SDCBP2: variants seen among roughly 807,000 people sequenced by gnomAD.
SDCBP2 encodes syndecan binding protein 2, also known as syntenin-2.
A neutral mutation model predicts 30.7 loss-of-function variants in SDCBP2; 28 were observed. The observed-to-expected ratio is 0.91, with a 90% CI of 0.68 to 1.25. The LOEUF is 1.25. Ranked by LOEUF, SDCBP2 falls within the 50% of genes most tolerant of loss-of-function variation. The pLI is 0.00. For synonymous variants in SDCBP2, 166 were observed against 157.3 expected (o/e 1.06, Z -0.41); for missense variants, 399 against 379.0 (o/e 1.05, Z -0.44).
chr20:1,318,351 C>T lies in SDCBP2; in HGVS notation c.192G>A (p.Gln64=), dbSNP rs936680987. 1 of 1,613,816 alleles carries T rather than the reference C, an allele frequency of 6.2e-7. No homozygotes were observed. Among genetic ancestry groups the T allele is most frequent in the Non-Finnish European group, 8.5e-7 (1 of 1,179,876 alleles). Residue 64 remains glutamine (Q), a synonymous_variant, in exon 4 of 9, where the codon CAG becomes CAA. Transcript: ENST00000360779. ...MGLSLSSQEV[Q]ESLLQIPEGD... is the part of the protein sequence containing the mutation. ...CCTCTGGAATCTGAAGCAGGCTCTC[C>T]TGGACTTCTTGGCTGGAGAGGGAAA...
rs1568563121 is a variant in SDCBP2, at chr20:1,320,252, A to G, written c.54+111T>C. ...AGCAGGCCCTGCAGTGGACACCTAC[A>G]TGCCCTGAGGCCTACGGGAATCTCC... On this transcript the variant is annotated intron_variant, in intron 2 of 8. Coordinates refer to ENST00000360779, the MANE Select transcript of SDCBP2 (RefSeq NM_080489.5). This position sits in a 1 kb window ranked among gnomAD's most constrained non-coding sequence, Gnocchi z 4.7. The G allele has an allele frequency of 1.1e-6, 1 of 929,594 alleles. No homozygotes were observed. Among genetic ancestry groups the G allele is most frequent in the Non-Finnish European group, 1.7e-6 (1 of 597,438 alleles). 57.6% of individuals were successfully genotyped at this position (929,594 alleles called of 1,614,324 possible).
rs553996287 is a variant in SDCBP2 at position 1,317,405 on chromosome 20, G to C, written c.225+913C>G. On this transcript the variant is annotated intron_variant, in intron 4 of 8. Transcript: ENST00000360779. ...ATACAAAATTTTAAATTATAAAAATGTATTCATCATCTTATATTTTATCAA... is the reference window on the plus strand; with the variant it reads ...ATACAAAATTTTAAATTATAAAAATCTATTCATCATCTTATATTTTATCAA... 5.3e-5 allele frequency among the ~76,000 whole-genome samples: 8 copies of C among 152,320 alleles called. No individual in the cohort carries two copies. The South Asian group carries it at 1.7e-3, about 32-fold the overall frequency.
chr20:1,314,430 T>C (rs2088737916), intron 4 of SDCBP2, among the ~76,000 whole-genome samples: 2 of 121,748 alleles, frequency 1.6e-5, no homozygotes, highest in Admixed American at 1.2e-4. Context: ...GAGGTTGCAG[T>C]GAGCCAAGAC....
At chr20:1,318,533 T>C (rs1255812851) in intron 3 of SDCBP2, 115 bp from the exon 4 acceptor site, 3 of 640,600 alleles carry the variant, frequency 4.7e-6, no homozygotes, top group African/African-American at 1.8e-5. Flanking sequence ...CTGGGAATGG[T>C]ATTTATTTCC....
At chr20:1,328,244 T>TGA (rs376584756) in intron 1 of SDCBP2, among the ~76,000 whole-genome samples, 201 of 152,192 alleles carry the variant, frequency 1.3e-3, no homozygotes, top group African/African-American at 4.7e-3. Context: ...GAGGTCATGG[T>TGA]GAGGACTTTG....
intron 4 of SDCBP2, among the ~76,000 whole-genome samples, chr20:1,314,746 A>T (rs1414135761): frequency 6.6e-6 from 1 of 152,038 alleles, no homozygotes; most frequent in East Asian, 1.9e-4. Flanking sequence ...ACAAAAACGA[A>T]GCAAAATAAA....
At chr20:1,317,254 A>G (rs1398534036) in intron 4 of SDCBP2, among the ~76,000 whole-genome samples, 1 of 152,228 alleles carries the variant, frequency 6.6e-6, no homozygotes, top group Non-Finnish European at 1.5e-5. Flanking sequence ...CCTGGTTTTG[A>G]TAGTGTACTA....
chr20:1,329,097 T>C lies in SDCBP2; in HGVS notation c.-32A>G, dbSNP rs1335448421. On this transcript the variant is annotated 5_prime_UTR_variant, in exon 1 of 9. Coordinates refer to ENST00000360779, the MANE Select transcript of SDCBP2 (RefSeq NM_080489.5). The surrounding 1 kb of genome is among the most constrained non-coding windows in gnomAD (Gnocchi z 4.3). ...CCCCAGCGCTTACCTGCAGGCAAGG[T>C]GCTGCTCCACGACCTTCTCCAGCTG... 5 of 152,344 alleles carry C rather than the reference T, an allele frequency of 3.3e-5. No homozygotes were observed. Among genetic ancestry groups the C allele is most frequent in the African/African-American group, 1.2e-4 (5 of 41,432 alleles). 9.4% of individuals were successfully genotyped at this position (152,344 alleles called of 1,614,324 possible).
rs1600277573 is a variant in SDCBP2 at position 1,313,898 on chromosome 20, G to A, written c.226-400C>T. 1.7e-5 allele frequency among the ~76,000 whole-genome samples: 2 copies of A among 117,416 alleles called. No homozygotes were observed. Among genetic ancestry groups the A allele is most frequent in the Admixed American group, 8.7e-5 (1 of 11,470 alleles). 77.0% of individuals were successfully genotyped at this position (117,416 alleles called of 152,430 possible). On this transcript the variant is annotated intron_variant, in intron 4 of 8. Coordinates refer to ENST00000360779, the MANE Select transcript of SDCBP2 (RefSeq NM_080489.5). This position sits in a 1 kb window ranked among gnomAD's most constrained non-coding sequence, Gnocchi z 5.2. ...AAAATGTAAAAATATACAAATTCAT[G>A]ATGCAGAAAAAGGCAAGGAACTTCA...
chr20:1,316,344 G>A (rs1337278333), intron 4 of SDCBP2, among the ~76,000 whole-genome samples: 1 of 152,164 alleles, frequency 6.6e-6, no homozygotes, highest in Non-Finnish European at 1.5e-5. Flanking sequence ...GAGCACTCAT[G>A]TATTGCTCAC....
In SDCBP2 at chr20:1,325,113, A is replaced by T. The variant is rs1002171726; in HGVS notation, c.-20+3972T>A. Among the ~76,000 whole-genome samples, 2 of 152,188 alleles carry T rather than the reference A, an allele frequency of 1.3e-5. 1 individual carries two copies. Among genetic ancestry groups the T allele is most frequent in the Non-Finnish European group, 2.9e-5 (2 of 68,040 alleles). On this transcript the variant is annotated intron_variant, in intron 1 of 8. Coordinates refer to ENST00000360779, the MANE Select transcript of SDCBP2 (RefSeq NM_080489.5). ...TTGGGAAATAGGAGCCACAAGCCACAAACTCCATCCACCGCGCCACAGGAG... is the reference window on the plus strand; with the variant it reads ...TTGGGAAATAGGAGCCACAAGCCACTAACTCCATCCACCGCGCCACAGGAG...
At chr20:1,323,103 G>A (rs1013757974) in intron 1 of SDCBP2, 1 of 152,176 alleles carries the variant, frequency 6.6e-6, no homozygotes, top group Non-Finnish European at 1.5e-5. Flanking sequence ...TTGCCTGCTT[G>A]GTTCCTGGAG....
chr20:1,313,516 CA>C lies in SDCBP2; in HGVS notation c.226-19del. ...ACCGCTGTCTGCAGACACCAGGGGGCAGGGGGTCAGCCCGGCCCGTGGGGAC... is the reference window on the plus strand; with the variant it reads ...ACCGCTGTCTGCAGACACCAGGGGGCGGGGGTCAGCCCGGCCCGTGGGGAC... On this transcript the variant is annotated intron_variant, in intron 4 of 8. Transcript: ENST00000360779. The surrounding 1 kb of genome is among the most constrained non-coding windows in gnomAD (Gnocchi z 5.2). 6.4e-7 allele frequency: 1 copy of C among 1,565,586 alleles called. No homozygotes were observed. Among genetic ancestry groups the C allele is most frequent in the Middle Eastern group, 2.1e-4 (1 of 4,800 alleles).
chr20:1,314,755 A>T (rs928841747), intron 4 of SDCBP2, among the ~76,000 whole-genome samples: 2 of 152,048 alleles, frequency 1.3e-5, no homozygotes, highest in Non-Finnish European at 1.5e-5. Context: ...AAGCAAAATA[A>T]AACCTAAAAA....
rs1426600302 is a variant in SDCBP2, at chr20:1,319,352, AG to A, written c.124+237del. Among the ~76,000 whole-genome samples, 4 of 152,192 alleles carry A rather than the reference AG, an allele frequency of 2.6e-5. No homozygotes were observed. In the East Asian group the frequency reaches 7.7e-4, roughly 29 times the overall value. ...TTGGAAGGATAAACAGGGGTTCACCAGGCAGTCAAGGAGGGAGGGGAACAGC... is the reference window on the plus strand; with the variant it reads ...TTGGAAGGATAAACAGGGGTTCACCAGCAGTCAAGGAGGGAGGGGAACAGC... On this transcript the variant is annotated intron_variant, in intron 3 of 8. Transcript: ENST00000360779.
At position 1,329,018 on chromosome 20, in the gene SDCBP2, C is replaced by G. The variant is rs2088975081; in HGVS notation, c.-20+67G>C. ...GGGAAGGGGCAGGGAGGGAAGGGGA[C>G]AGGGTGAGAGCAGGTCTCACTCATC... On this transcript the variant is annotated intron_variant, in intron 1 of 8. Coordinates refer to ENST00000360779, the MANE Select transcript of SDCBP2 (RefSeq NM_080489.5). This position sits in a 1 kb window ranked among gnomAD's most constrained non-coding sequence, Gnocchi z 4.3. The G allele has an allele frequency of 1.3e-5, 2 of 152,406 alleles. No homozygotes were observed. The highest frequency in any genetic ancestry group is 1.3e-4 in the Admixed American group (2 of 15,290). The allele number at this position is 152,406 out of a possible 1,614,324, so 9.4% of individuals were successfully genotyped here. A position where few individuals can be genotyped will look rare whatever the true frequency, so the allele number is the denominator to read the frequency against.
At chr20:1,319,417 G>C (rs2088822902) in intron 3 of SDCBP2, 173 bp downstream of exon 3, 2 of 679,990 alleles carry the variant, frequency 2.9e-6, no homozygotes, top group East Asian at 5.7e-5. Flanking sequence ...ACTCAGCCCA[G>C]GTCACCCAGG....
Position 1,312,591 on chromosome 20 carries a change from C to A in SDCBP2, c.556G>T (p.Asp186Tyr), listed in dbSNP as rs201595244. 28 of 1,613,838 alleles carry A rather than the reference C, an allele frequency of 1.7e-5. No individual in the cohort carries two copies. In the South Asian group the frequency reaches 2.5e-4, roughly 15 times the overall value. ...TGCCCGGGCCTGGCTACTCACCTGT[C>A]CCGAACCACCACGACAATCTTATCG... ...SGDKIVVVVR[D>Y]RPFQRTVTMH... Residue 186 changes from aspartate to tyrosine, a missense_variant, in exon 6 of 9, where the codon GAC becomes TAC. Asp to Tyr is a radical substitution (Grantham distance 160, BLOSUM62 -3). Coordinates refer to ENST00000360779, the MANE Select transcript of SDCBP2 (RefSeq NM_080489.5).
At chr20:1,325,921 C>T (rs765015095) in intron 1 of SDCBP2, 1 of 152,224 alleles carries the variant, frequency 6.6e-6, no homozygotes, top group African/African-American at 2.4e-5. Flanking sequence ...TCCCACCCAC[C>T]AGTGACTGAG....
Sources: allele counts gnomAD v4.1 joint callset (sites outside exome capture counted in the v4.1 genomes callset), GRCh38; gene constraint gnomAD v4.1.1; non-coding constraint Gnocchi (gnomAD v3.1); transcripts MANE v1.5; gene names NCBI Gene and HGNC (gene_info 2026-07-23, HGNC 2026-07-21).